Variants in CAMTA1 observed in about 807,000 individuals in gnomAD.
CAMTA1 encodes calmodulin binding transcription activator 1, also known as calmodulin-binding transcription activator 1.
CAMTA1 carries 27 observed loss-of-function variants against 170.9 expected under a neutral mutation model. The ratio of observed to expected loss-of-function variants is 0.16; its 90% confidence interval spans 0.12 to 0.22. The LOEUF (loss-of-function observed/expected upper bound fraction) is 0.22. Among genes scored for constraint, CAMTA1 ranks in the 10% least tolerant of loss-of-function variants. The pLI, the probability that CAMTA1 is intolerant of heterozygous loss-of-function variation, is 1.00. For missense variants in CAMTA1, 1,619 were observed against 2,217.2 expected, an observed-to-expected ratio of 0.73 and a Z score of 5.42; for synonymous variants, 833 against 891.5, an observed-to-expected ratio of 0.93 and a Z score of 1.17.
chr1:7,363,630 C>A (rs2085732496), intron 5 of CAMTA1, among the ~76,000 whole-genome samples: 1 of 152,038 alleles, frequency 6.6e-6, no homozygotes, highest in Non-Finnish European at 1.5e-5. Flanking sequence ...GCCTCTGGGA[C>A]CCTCAGAAGG....
intron 3 of CAMTA1, among the ~76,000 whole-genome samples, chr1:6,867,772 C>G (rs991803632): frequency 6.6e-6 from 1 of 151,992 alleles, no homozygotes; most frequent in Admixed American, 6.6e-5. Flanking sequence ...AAATAATAAA[C>G]TTTGCTCTCA....
At chr1:7,446,905 C>A (rs1037525194) in intron 5 of CAMTA1, among the ~76,000 whole-genome samples, 1 of 152,224 alleles carries the variant, frequency 6.6e-6, no homozygotes, top group Non-Finnish European at 1.5e-5. Context: ...GTATAAACAG[C>A]TTTCAGTGGG....
chr1:7,024,811 A>G (rs1050132270), intron 3 of CAMTA1, among the ~76,000 whole-genome samples: 2 of 152,230 alleles, frequency 1.3e-5, no homozygotes, highest in Admixed American at 6.5e-5. Flanking sequence ...TGCCATATGA[A>G]TCAGCTTTCC....
At chr1:7,025,094 C>A (rs1031167024) in intron 3 of CAMTA1, among the ~76,000 whole-genome samples, 1 of 152,156 alleles carries the variant, frequency 6.6e-6, no homozygotes, top group East Asian at 1.9e-4. Flanking sequence ...GGGATATTTC[C>A]CACTTTTATG....
rs1704382299 is a variant in CAMTA1 at position 7,041,103 on chromosome 1, G to C, written c.235-50201G>C. Among the ~76,000 whole-genome samples the C allele has an allele frequency of 6.6e-6, 1 of 152,248 alleles. No homozygotes were observed. Among genetic ancestry groups the C allele is most frequent in the South Asian group, 2.1e-4 (1 of 4,832 alleles). On this transcript the variant is annotated intron_variant, in intron 3 of 22. Coordinates refer to ENST00000303635, the MANE Select transcript of CAMTA1 (RefSeq NM_015215.4). This position sits in a 1 kb window ranked among gnomAD's most constrained non-coding sequence, Gnocchi z 5.1. Reference sequence around the variant, plus strand: ...GCTGCCCTGGCATTTTGGAGGAGCAGGGAAATGAGATAAAGCTGCAAAATG... The same window carrying C: ...GCTGCCCTGGCATTTTGGAGGAGCACGGAAATGAGATAAAGCTGCAAAATG...
intron 6 of CAMTA1, among the ~76,000 whole-genome samples, chr1:7,531,471 A>G (rs1306253062): frequency 6.6e-6 from 1 of 151,994 alleles, no homozygotes; most frequent in Non-Finnish European, 1.5e-5. Context: ...TACTCGAAAA[A>G]CCTGCAGAGG....
rs1190531527 is a variant in CAMTA1, at chr1:7,435,444, C to T, written c.439-32386C>T. ...CCCTGCCCTAGGCTGGGTTCTTGCT[C>T]TGCTGCTATTCCTGTTTTGAAACAG... On this transcript the variant is annotated intron_variant, in intron 5 of 22. Coordinates refer to ENST00000303635, the MANE Select transcript of CAMTA1 (RefSeq NM_015215.4). The surrounding 1 kb of genome is among the most constrained non-coding windows in gnomAD (Gnocchi z 4.4). 1.3e-5 allele frequency among the ~76,000 whole-genome samples: 2 copies of T among 152,210 alleles called. No homozygotes were observed. The highest frequency in any genetic ancestry group is 4.8e-5 in the African/African-American group (2 of 41,464).
chr1:7,480,122 T>A (rs1203371730), intron 6 of CAMTA1, among the ~76,000 whole-genome samples: 1 of 149,084 alleles, frequency 6.7e-6, no homozygotes, highest in South Asian at 2.1e-4. Flanking sequence ...TGTGTGTGTG[T>A]GAGTATGTGT....
intron 7 of CAMTA1, among the ~76,000 whole-genome samples, chr1:7,643,031 G>A (rs529069271): frequency 6.7e-6 from 1 of 150,126 alleles, no homozygotes; most frequent in South Asian, 2.1e-4. Context: ...CTGGGGCTTA[G>A]TCAGTGCTTT....
chr1:7,608,794 G>C, intron 6 of CAMTA1, among the ~76,000 whole-genome samples: 1 of 152,038 alleles, frequency 6.6e-6, no homozygotes, highest in South Asian at 2.1e-4. Context: ...AAGTGGCTTC[G>C]ACAGAGCCAG....
chr1:7,601,613 G>A (rs2095443635), intron 6 of CAMTA1, among the ~76,000 whole-genome samples: 2 of 152,222 alleles, frequency 1.3e-5, no homozygotes, highest in South Asian at 2.1e-4. Flanking sequence ...AGGTTGTAGC[G>A]AGCCGAGATC....
rs1304343552 is a variant in CAMTA1 at position 6,841,309 on chromosome 1, TTGTGA to T, written c.234+16103_234+16107del. Among the ~76,000 whole-genome samples the T allele has an allele frequency of 2.6e-5, 4 of 152,348 alleles. No individual in the cohort carries two copies. The East Asian group carries it at 7.7e-4, about 29-fold the overall frequency. On this transcript the variant is annotated intron_variant, in intron 3 of 22. Coordinates refer to ENST00000303635, the MANE Select transcript of CAMTA1 (RefSeq NM_015215.4). Reference sequence around the variant, plus strand: ...TCTTCAGCCTTAATTCCCCTTTGCCTTGTGATGTTATTTATTTACAGGTTCTGGGG... The same window carrying T: ...TCTTCAGCCTTAATTCCCCTTTGCCTTGTTATTTATTTACAGGTTCTGGGG...
Position 7,568,791 on chromosome 1 carries a change from ACCAT to A in CAMTA1, c.511-71603_511-71600del, listed in dbSNP as rs1252408326. On this transcript the variant is annotated intron_variant, in intron 6 of 22. Coordinates refer to ENST00000303635, the MANE Select transcript of CAMTA1 (RefSeq NM_015215.4). Reference sequence around the variant, plus strand: ...TCACCATCACATCACCATCACCACCACCATCCATCATCAACATCACCATCATCGT... The same window carrying A: ...TCACCATCACATCACCATCACCACCACCATCATCAACATCACCATCATCGT... Among the ~76,000 whole-genome samples, 13 of 150,536 alleles carry A rather than the reference ACCAT, an allele frequency of 8.6e-5. No homozygotes were observed. In the East Asian group the frequency reaches 2.6e-3, roughly 30 times the overall value.
intron 5 of CAMTA1, among the ~76,000 whole-genome samples, chr1:7,391,362 T>C (rs890982384): frequency 1.3e-5 from 2 of 151,868 alleles, no homozygotes; most frequent in African/African-American, 4.8e-5. Context: ...TGTGTGTACA[T>C]CTTCAGCTGA....
At chr1:7,424,220 G>A (rs1479683399) in intron 5 of CAMTA1, among the ~76,000 whole-genome samples, 1 of 152,064 alleles carries the variant, frequency 6.6e-6, no homozygotes, top group Non-Finnish European at 1.5e-5. Context: ...CTTCTCTCTG[G>A]TACCAACATG....
intron 11 of CAMTA1, among the ~76,000 whole-genome samples, chr1:7,723,535 T>G (rs1160804422): frequency 6.6e-6 from 1 of 152,226 alleles, no homozygotes; most frequent in African/African-American, 2.4e-5. Flanking sequence ...AGTTACCCTC[T>G]TGTTGTTGGG....
At chr1:7,519,512 T>C (rs1040169791) in intron 6 of CAMTA1, among the ~76,000 whole-genome samples, 1 of 151,796 alleles carries the variant, frequency 6.6e-6, no homozygotes, top group African/African-American at 2.4e-5. Flanking sequence ...GGCTTTGTGG[T>C]TCTTCCTCCA....
At chr1:7,344,381 G>A (rs998570514) in intron 5 of CAMTA1, among the ~76,000 whole-genome samples, 4 of 152,202 alleles carry the variant, frequency 2.6e-5, no homozygotes, top group Non-Finnish European at 2.9e-5. Flanking sequence ...TTCTATTGAT[G>A]AAGCAAGTGA....
intron 5 of CAMTA1, among the ~76,000 whole-genome samples, chr1:7,346,433 G>C (rs894341979): frequency 1.3e-5 from 2 of 152,136 alleles, no homozygotes; most frequent in Non-Finnish European, 2.9e-5. Flanking sequence ...GGGAACTACA[G>C]CAAGAAAAGG....
Sources: gnomAD v4.1 joint callset for allele counts (sites outside exome capture counted in the v4.1 genomes callset) on GRCh38, gnomAD v4.1.1 for gene constraint, Gnocchi (gnomAD v3.1) non-coding constraint, MANE v1.5 for transcripts, NCBI Gene and HGNC (gene_info 2026-07-23, HGNC 2026-07-21) for gene names.